The following TRIM67 variants were observed in gnomAD, a reference collection of about 807,000 sequenced individuals.
The protein encoded by TRIM67 is tripartite motif-containing protein 67.
Under a neutral mutation model 71.0 loss-of-function variants are expected in TRIM67, and 39 were observed. The observed-to-expected ratio is 0.55, with a 90% CI of 0.43 to 0.72. The LOEUF is 0.72. TRIM67 is among the 30% of genes least tolerant of loss of function. The pLI, the probability that TRIM67 is intolerant of heterozygous loss-of-function variation, is 0.00. For missense variants in TRIM67, 973 were observed against 1,079.2 expected (o/e 0.90, Z 1.38); for synonymous variants, 481 against 473.9 (o/e 1.01, Z -0.19).
intron 9 of TRIM67, 94 bp downstream of exon 9, chr1:231,214,071 A>G: frequency 7.2e-7 from 1 of 1,392,884 alleles, no homozygotes; most frequent in Non-Finnish European, 9.6e-7. Context: ...GGCCATAAAG[A>G]AGCTGACCAC....
At chr1:231,213,077 A>G (rs954447211) in intron 8 of TRIM67, among the ~76,000 whole-genome samples, 3 of 152,114 alleles carry the variant, frequency 2.0e-5, no homozygotes, top group African/African-American at 7.2e-5. Flanking sequence ...AAATTTCCTG[A>G]AGGCCTGGAT....
At chr1:231,214,806 A>G (rs1221651855) in intron 9 of TRIM67, among the ~76,000 whole-genome samples, 1 of 148,704 alleles carries the variant, frequency 6.7e-6, no homozygotes, top group Non-Finnish European at 1.5e-5. Context: ...AAAAAAAGAT[A>G]GGCTTAGGCT....
intron 1 of TRIM67, among the ~76,000 whole-genome samples, chr1:231,173,361 A>G (rs945760262): frequency 2.6e-5 from 4 of 152,244 alleles, no homozygotes; most frequent in African/African-American, 9.6e-5. Context: ...AGCCAGGGTA[A>G]CATAACGAGA....
In TRIM67 at chr1:231,216,924, T is replaced by A. The variant is rs1684027486; in HGVS notation, c.*1484T>A. The A allele has an allele frequency of 2.3e-5, 23 of 985,458 alleles. No homozygotes were observed. Among genetic ancestry groups the A allele is most frequent in the Non-Finnish European group, 2.8e-5 (23 of 829,950 alleles). The allele number at this position is 985,458 out of a possible 1,614,324, so 61.0% of individuals were successfully genotyped here. ...TGGTAGTAACATTTCTCTCTCCTTT[T>A]AAAAAGAATATATTTTGTCAAGCAT... is the stretch of plus-strand genomic sequence containing the variant. On this transcript the variant is annotated 3_prime_UTR_variant, in exon 10 of 10. Coordinates refer to ENST00000366653, the MANE Select transcript of TRIM67 (RefSeq NM_001004342.5).
chr1:231,177,401 G>A (rs1455383724), intron 1 of TRIM67, among the ~76,000 whole-genome samples: 1 of 152,210 alleles, frequency 6.6e-6, no homozygotes, highest in Non-Finnish European at 1.5e-5. Context: ...GTTGCCGGGC[G>A]ATGAGAACCT....
In TRIM67 at chr1:231,217,126, A is replaced by G. The variant is rs1684034134; in HGVS notation, c.*1686A>G. 1.0e-6 allele frequency: 1 copy of G among 985,786 alleles called. No individual in the cohort carries two copies. The highest frequency in any genetic ancestry group is 1.2e-6 in the Non-Finnish European group (1 of 830,012). 61.1% of individuals were successfully genotyped at this position (985,786 alleles called of 1,614,324 possible). On this transcript the variant is annotated 3_prime_UTR_variant, in exon 10 of 10. Transcript: ENST00000366653. ...TGCAGGTACCCCCCCTCCACTCAGCAGGCCCGACAATCCTACCTCAAAGCT... is the reference window on the plus strand; with the variant it reads ...TGCAGGTACCCCCCCTCCACTCAGCGGGCCCGACAATCCTACCTCAAAGCT...
intron 8 of TRIM67, among the ~76,000 whole-genome samples, chr1:231,211,853 C>A (rs1478457985): frequency 1.3e-5 from 2 of 152,164 alleles, no homozygotes; most frequent in African/African-American, 2.4e-5. Context: ...GCAGGAGGAT[C>A]CCTTGAGCCC....
At chr1:231,202,360 G>A (rs1683578767) in intron 5 of TRIM67, among the ~76,000 whole-genome samples, 2 of 152,020 alleles carry the variant, frequency 1.3e-5, no homozygotes, top group African/African-American at 4.8e-5. Flanking sequence ...GAAGAGTTTT[G>A]CAGGCAGCAG....
chr1:231,201,433 T>C lies in TRIM67; in HGVS notation c.1450T>C (p.Ser484Pro). The change falls in exon 5 of 10, where the codon TCT (serine) becomes CCT (proline). Residue 484 changes from serine to proline, a missense_variant. By Grantham distance (74) the Ser-to-Pro change is moderately conservative. Around this residue, in one of 2 missense-constraint regions of TRIM67, gnomAD observed 795 missense variants for 831.3 expected, o/e 0.96. Coordinates refer to ENST00000366653, the MANE Select transcript of TRIM67 (RefSeq NM_001004342.5). ...CAAAGGCGCCCTGGAGCCGAAAGTG[T>C]CTGCGGAGTTTGATCTGACTTTGGA... ...WVKGALEPKVSAEFDLTLDSE... is the reference protein window; with the variant it reads ...WVKGALEPKVPAEFDLTLDSE... The C allele has an allele frequency of 1.2e-6, 2 of 1,613,712 alleles. No individual in the cohort carries two copies. The highest frequency in any genetic ancestry group is 1.7e-6 in the Non-Finnish European group (2 of 1,179,790).
intron 1 of TRIM67, chr1:231,185,150 T>G: frequency 6.5e-7 from 1 of 1,532,860 alleles, no homozygotes; most frequent in Non-Finnish European, 8.7e-7. Context: ...GTGTGTGTTG[T>G]CCAGCCAGCC....
chr1:231,173,355 AG>A (rs1682661600), intron 1 of TRIM67, among the ~76,000 whole-genome samples: 1 of 152,212 alleles, frequency 6.6e-6, no homozygotes, highest in Non-Finnish European at 1.5e-5. Context: ...AAAACCAGCC[AG>A]GGTAACATAA....
At chr1:231,165,431 C>T (rs1184313003) in intron 1 of TRIM67, among the ~76,000 whole-genome samples, 3 of 152,162 alleles carry the variant, frequency 2.0e-5, no homozygotes, top group African/African-American at 7.2e-5. Flanking sequence ...AGCAAAGCAC[C>T]TTAAATATAA....
At position 231,219,560 on chromosome 1, in the gene TRIM67, T is replaced by C; in HGVS notation, c.*4120T>C. ...CTCCAACAGATGCCAACCTGTTGGG[T>C]CTTGAATTTTCACTCACTGAAGATG... On this transcript the variant is annotated 3_prime_UTR_variant, in exon 10 of 10. Coordinates refer to ENST00000366653, the MANE Select transcript of TRIM67 (RefSeq NM_001004342.5). 9.1e-7 allele frequency: 1 copy of C among 1,096,744 alleles called. No homozygotes were observed. Among genetic ancestry groups the C allele is most frequent in the East Asian group, 8.0e-5 (1 of 12,434 alleles). The allele number at this position is 1,096,744 out of a possible 1,614,324, so 67.9% of individuals were successfully genotyped here.
intron 3 of TRIM67, among the ~76,000 whole-genome samples, chr1:231,199,787 G>A (rs1369424541): frequency 6.6e-6 from 1 of 152,248 alleles, no homozygotes. Flanking sequence ...TCATAAGTGA[G>A]GGGGCTAGGA....
chr1:231,162,984 G>C lies in TRIM67; in HGVS notation c.15G>C (p.Leu5=), dbSNP rs746815875. ...CCGGCGCCGCGATGGAGGAAGAGCT[G>C]AAGTGTCCCGTGTGCGGCTCTCTGT... The part of the protein sequence containing the change: MEEE[L]KCPVCGSLFR... The change falls in exon 1 of 10, where the codon CTG becomes CTC. Residue 5 remains leucine (L), a synonymous_variant. Coordinates refer to ENST00000366653, the MANE Select transcript of TRIM67 (RefSeq NM_001004342.5). 4 of 1,612,350 alleles carry C rather than the reference G, an allele frequency of 2.5e-6. No individual in the cohort carries two copies. The highest frequency in any genetic ancestry group is 3.4e-6 in the Non-Finnish European group (4 of 1,179,304).
intron 5 of TRIM67, among the ~76,000 whole-genome samples, chr1:231,202,617 G>A (rs373203206): frequency 7.2e-5 from 11 of 152,278 alleles, no homozygotes; most frequent in African/African-American, 2.4e-4. Context: ...TTTGTGGACT[G>A]AGGGCCACAC....
At chr1:231,179,867 G>T (rs1182682876) in intron 1 of TRIM67, among the ~76,000 whole-genome samples, 1 of 152,172 alleles carries the variant, frequency 6.6e-6, no homozygotes, top group East Asian at 1.9e-4. Flanking sequence ...TAGGGGAGGG[G>T]CAGTGTGGTG....
chr1:231,212,504 G>A (rs1440347526), intron 8 of TRIM67, among the ~76,000 whole-genome samples: 2 of 152,222 alleles, frequency 1.3e-5, no homozygotes, highest in Non-Finnish European at 2.9e-5. Flanking sequence ...CCCAGCTAGA[G>A]AGAGTCTTAT....
chr1:231,197,039 G>GGCCAA (rs1368268415), intron 1 of TRIM67, among the ~76,000 whole-genome samples: 1 of 152,218 alleles, frequency 6.6e-6, no homozygotes, highest in African/African-American at 2.4e-5. Context: ...GAGGGGGCCA[G>GGCCAA]GCCAAGCCAA....
Sources: allele counts gnomAD v4.1 joint callset (sites outside exome capture counted in the v4.1 genomes callset), GRCh38; gene constraint gnomAD v4.1.1; regional missense constraint gnomAD v4.1.1; transcripts MANE v1.5; gene names NCBI Gene and HGNC (gene_info 2026-07-23, HGNC 2026-07-21).